The following PI4K2B variants were observed in gnomAD, a reference collection of about 807,000 sequenced individuals.
The protein encoded by PI4K2B is phosphatidylinositol 4-kinase type 2 beta, also known as phosphatidylinositol 4-kinase type 2-beta.
Under a neutral mutation model 56.6 loss-of-function variants are expected in PI4K2B, and 46 were observed. The ratio of observed to expected loss-of-function variants is 0.81; its 90% confidence interval spans 0.64 to 1.04. The LOEUF is 1.04. Among genes scored for constraint, PI4K2B ranks in the 50% least tolerant of loss-of-function variants. PI4K2B has a pLI of 0.00. For synonymous variants in PI4K2B, 211 were observed against 223.8 expected (o/e 0.94, Z 0.51); for missense variants, 556 against 607.7 (o/e 0.91, Z 0.89).
At chr4:25,244,874 A>T (rs1715691683) in intron 1 of PI4K2B, among the ~76,000 whole-genome samples, 1 of 152,090 alleles carries the variant, frequency 6.6e-6, no homozygotes, top group South Asian at 2.1e-4. Context: ...ACCGACCCTT[A>T]CCGACGCATT....
chr4:25,242,530 G>T (rs933104324), intron 1 of PI4K2B, among the ~76,000 whole-genome samples: 1 of 152,216 alleles, frequency 6.6e-6, no homozygotes, highest in South Asian at 2.1e-4. Flanking sequence ...AGAGAGCAGG[G>T]TATTGGGGTT....
At chr4:25,261,731 G>GTATGAA (rs71188932) in intron 6 of PI4K2B, among the ~76,000 whole-genome samples, 1 of 152,028 alleles carries the variant, frequency 6.6e-6, no homozygotes. Flanking sequence ...GGAACATATT[G>GTATGAA]TATATTTATA....
At chr4:25,242,068 T>C (rs1294965538) in intron 1 of PI4K2B, among the ~76,000 whole-genome samples, 1 of 152,116 alleles carries the variant, frequency 6.6e-6, no homozygotes, top group Non-Finnish European at 1.5e-5. Context: ...TGTCTTAGGG[T>C]GAGGATAAGC....
In PI4K2B at chr4:25,234,234, G is replaced by A. The variant is rs576494949; in HGVS notation, c.71G>A (p.Gly24Glu). 2 of 1,428,020 alleles carry A rather than the reference G, an allele frequency of 1.4e-6. No individual in the cohort carries two copies. Among genetic ancestry groups the A allele is most frequent in the African/African-American group, 1.5e-5 (1 of 67,790 alleles). The allele number at this position is 1,428,020 out of a possible 1,614,324, so 88.5% of individuals were successfully genotyped here. Reference protein sequence around the residue: ...DGGSPEEEEDGEREPLLPRIA... With the variant: ...DGGSPEEEEDEEREPLLPRIA... Reference sequence around the variant, plus strand: ...GGGAGCCCGGAGGAGGAGGAGGATGGGGAGCGGGAGCCGCTGCTACCGCGG... The same window carrying A: ...GGGAGCCCGGAGGAGGAGGAGGATGAGGAGCGGGAGCCGCTGCTACCGCGG... Residue 24 changes from glycine (G) to glutamate (E), a missense_variant, in exon 1 of 10, where the codon GGG becomes GAG. By Grantham distance (98) the Gly-to-Glu change is moderately conservative. Coordinates refer to ENST00000264864, the MANE Select transcript of PI4K2B (RefSeq NM_018323.4).
rs183588382 is a variant in PI4K2B, at chr4:25,253,697, A to G, written c.423+1222A>G. On this transcript the variant is annotated intron_variant, in intron 2 of 9. Transcript: ENST00000264864. Reference sequence around the variant, plus strand: ...CAGCTTCTAAATTGAATATGAGTATATTGTATCAAACAATAAGAGTACAGA... The same window carrying G: ...CAGCTTCTAAATTGAATATGAGTATGTTGTATCAAACAATAAGAGTACAGA... 5.5e-3 allele frequency among the ~76,000 whole-genome samples: 835 copies of G among 152,370 alleles called. 4 individuals carry two copies. Among genetic ancestry groups the G allele is most frequent in the Non-Finnish European group, 8.8e-3 (602 of 68,036 alleles).
intron 8 of PI4K2B, 83 bp from the exon 9 acceptor site, chr4:25,269,061 G>T: frequency 4.3e-6 from 3 of 705,700 alleles, no homozygotes; most frequent in Non-Finnish European, 7.3e-6. Flanking sequence ...GGCCTTATTT[G>T]CTGAGTTGAA....
intron 6 of PI4K2B, among the ~76,000 whole-genome samples, chr4:25,263,300 G>A (rs1481530281): frequency 6.6e-6 from 1 of 152,030 alleles, no homozygotes; most frequent in Non-Finnish European, 1.5e-5. Context: ...GGTCTTTGAA[G>A]GAGTTTCATT....
intron 2 of PI4K2B, 142 bp downstream of exon 2, chr4:25,252,617 T>C (rs1716105971): frequency 1.4e-6 from 1 of 700,896 alleles, no homozygotes; most frequent in Non-Finnish European, 2.4e-6. Flanking sequence ...TCAGTTTTTG[T>C]TTGTTTTTTG....
At chr4:25,236,206 AAAAT>A (rs55804997) in intron 1 of PI4K2B, among the ~76,000 whole-genome samples, 31,768 of 139,258 alleles carry the variant, frequency 0.23, 4,006 homozygotes, top group East Asian at 0.46. Flanking sequence ...CTCTGTCTCA[AAAAT>A]AAATAAATAA....
At chr4:25,263,597 C>T (rs1307304533) in intron 6 of PI4K2B, among the ~76,000 whole-genome samples, 153 bp from the exon 7 acceptor site, 1 of 151,764 alleles carries the variant, frequency 6.6e-6, no homozygotes, top group East Asian at 1.9e-4. Flanking sequence ...TCTTCCATTC[C>T]TGTGTGAATT....
chr4:25,241,169 G>A (rs1264821457), intron 1 of PI4K2B, among the ~76,000 whole-genome samples: 1 of 152,242 alleles, frequency 6.6e-6, no homozygotes, highest in Non-Finnish European at 1.5e-5. Context: ...TGTAGGATTA[G>A]ATAAGCATAC....
intron 9 of PI4K2B, among the ~76,000 whole-genome samples, chr4:25,272,194 G>A (rs1172772791): frequency 6.6e-6 from 1 of 151,636 alleles, no homozygotes; most frequent in Non-Finnish European, 1.5e-5. Context: ...CCAGTTCTGA[G>A]GCCTGTTACA....
At chr4:25,250,149 A>G (rs796884316) in intron 1 of PI4K2B, among the ~76,000 whole-genome samples, 4 of 152,344 alleles carry the variant, frequency 2.6e-5, no homozygotes, top group African/African-American at 9.6e-5. Context: ...GGGAGGTTGC[A>G]GTGAGCCGAG....
chr4:25,267,619 G>A (rs755664269), intron 7 of PI4K2B: 11 of 203,288 alleles, frequency 5.4e-5, no homozygotes, highest in Non-Finnish European at 7.0e-5. Context: ...GATTCTCATT[G>A]GATATGCTCA....
intron 8 of PI4K2B, 80 bp downstream of exon 8, chr4:25,268,656 A>G (rs1220389336): frequency 2.4e-5 from 24 of 982,954 alleles, no homozygotes; most frequent in South Asian, 3.5e-5. Context: ...CTGATTTGCA[A>G]TTTTCTATTT....
At chr4:25,266,013 T>C (rs1716651649) in intron 7 of PI4K2B, among the ~76,000 whole-genome samples, 1 of 151,992 alleles carries the variant, frequency 6.6e-6, no homozygotes, top group South Asian at 2.1e-4. Context: ...CAGTGGTTTA[T>C]CTTCCTGGTG....
At chr4:25,239,027 T>G (rs972976638) in intron 1 of PI4K2B, among the ~76,000 whole-genome samples, 1 of 152,126 alleles carries the variant, frequency 6.6e-6, no homozygotes, top group South Asian at 2.1e-4. Flanking sequence ...GTTCTCCAAG[T>G]CCCCACTAGA....
chr4:25,261,188 A>T (rs190564210), intron 6 of PI4K2B, among the ~76,000 whole-genome samples: 253 of 152,272 alleles, frequency 1.7e-3, no homozygotes, highest in Non-Finnish European at 2.9e-3. Flanking sequence ...TATTTTACTA[A>T]TTCACTTTCT....
chr4:25,237,143 A>G (rs567610370), intron 1 of PI4K2B, among the ~76,000 whole-genome samples: 4 of 152,358 alleles, frequency 2.6e-5, no homozygotes, highest in South Asian at 2.1e-4. Context: ...AAAGCCTACA[A>G]ACAGCATAAA....
Sources: allele counts gnomAD v4.1 joint callset (sites outside exome capture counted in the v4.1 genomes callset), GRCh38; gene constraint gnomAD v4.1.1; transcripts MANE v1.5; gene names NCBI Gene and HGNC (gene_info 2026-07-23, HGNC 2026-07-21).